Variants in CSMD1 observed in about 807,000 individuals in gnomAD.
CSMD1 encodes the protein CUB and Sushi multiple domains 1.
Under a neutral mutation model 417.5 loss-of-function variants are expected in CSMD1, and 213 were observed. The observed-to-expected ratio is 0.51, with a 90% CI of 0.46 to 0.57. The LOEUF is 0.57. CSMD1 is among the 20% of genes least tolerant of loss of function. The probability of loss-of-function intolerance (pLI) is 0.00; values close to 1 mark genes in which losing one functional copy is unlikely to be tolerated. For synonymous variants in CSMD1, 2,862 were observed against 1,736.8 expected, an observed-to-expected ratio of 1.65 and a Z score of -16.11; for missense variants, 6,923 against 4,529.7, an observed-to-expected ratio of 1.53 and a Z score of -15.17.
intron 5 of CSMD1, among the ~76,000 whole-genome samples, chr8:3,801,632 AGAAAACT>A (rs72055345): frequency 0.3 from 46,156 of 151,610 alleles, 7,568 homozygotes; most frequent in East Asian, 0.41. Flanking sequence ...TTTCTACCCA[AGAAAACT>A]GAAAACATAT....
At chr8:4,120,874 G>C (rs908703379) in intron 3 of CSMD1, among the ~76,000 whole-genome samples, 1 of 152,056 alleles carries the variant, frequency 6.6e-6, no homozygotes, top group Non-Finnish European at 1.5e-5. Flanking sequence ...AATTTTTTCT[G>C]TTTTATTGTT....
intron 51 of CSMD1, among the ~76,000 whole-genome samples, chr8:3,026,924 T>G (rs1016840192): frequency 2.0e-5 from 3 of 152,170 alleles, no homozygotes; most frequent in African/African-American, 7.2e-5. Context: ...ACTTCTGTAC[T>G]CTGATGTCAT....
intron 3 of CSMD1, among the ~76,000 whole-genome samples, chr8:4,286,346 C>T (rs901315855): frequency 1.3e-5 from 2 of 152,126 alleles, no homozygotes; most frequent in Non-Finnish European, 2.9e-5. Flanking sequence ...TTTTAAAAAA[C>T]AACGTTTTTC....
At chr8:4,505,817 T>G (rs921956580) in intron 2 of CSMD1, among the ~76,000 whole-genome samples, 1 of 152,046 alleles carries the variant, frequency 6.6e-6, no homozygotes, top group African/African-American at 2.4e-5. Flanking sequence ...TTTTTTTTTT[T>G]TTAGATAGAG....
intron 1 of CSMD1, among the ~76,000 whole-genome samples, chr8:4,872,129 C>T (rs548035659): frequency 6.6e-6 from 1 of 152,110 alleles, no homozygotes; most frequent in Non-Finnish European, 1.5e-5. Flanking sequence ...TTTATCCTCA[C>T]AACAATGTAT....
chr8:3,408,007 A>C lies in CSMD1; in HGVS notation c.1963T>G (p.Ser655Ala), dbSNP rs769490516. 6.2e-7 allele frequency: 1 copy of C among 1,613,956 alleles called. No individual in the cohort carries two copies. The highest frequency in any genetic ancestry group is 8.5e-7 in the Non-Finnish European group (1 of 1,179,872). The change falls in exon 14 of 70, where the codon TCT becomes GCT. Residue 655 changes from serine (S) to alanine (A), a missense_variant. Ser to Ala is a moderately conservative substitution (Grantham distance 99, BLOSUM62 1). Transcript: ENST00000635120. ...AGCTGGGAAGGCACTTCATTGCCAG[A>C]AAAAGTACCCAGGACAGTTATGTCA... Reference protein sequence around the residue: ...ISDITVLGTFSGNEVPSQLAS... With the variant: ...ISDITVLGTFAGNEVPSQLAS...
At chr8:3,642,703 A>G (rs954318532) in intron 7 of CSMD1, among the ~76,000 whole-genome samples, 21 of 152,206 alleles carry the variant, frequency 1.4e-4, no homozygotes, top group Non-Finnish European at 5.9e-5. Flanking sequence ...AAAGAAGTAT[A>G]TTTAACATAT....
chr8:4,078,751 T>G (rs998847422), intron 3 of CSMD1, among the ~76,000 whole-genome samples: 1 of 150,792 alleles, frequency 6.6e-6, no homozygotes. Context: ...TATTTAAATT[T>G]CAGGCCTGGC....
intron 17 of CSMD1, among the ~76,000 whole-genome samples, chr8:3,387,917 A>T (rs2116813424): frequency 6.6e-6 from 1 of 152,318 alleles, no homozygotes; most frequent in African/African-American, 2.4e-5. Flanking sequence ...TCTACATACA[A>T]CAACCTTGAA....
intron 25 of CSMD1, among the ~76,000 whole-genome samples, chr8:3,287,777 A>C (rs948036869): frequency 1.3e-5 from 2 of 151,958 alleles, no homozygotes; most frequent in African/African-American, 4.8e-5. Context: ...CTCTTTTCCT[A>C]ATTGAATACT....
intron 5 of CSMD1, among the ~76,000 whole-genome samples, chr8:3,866,647 C>A (rs905819256): frequency 6.6e-6 from 1 of 151,278 alleles, no homozygotes; most frequent in Non-Finnish European, 1.5e-5. Flanking sequence ...GAATGTGATT[C>A]AGGAAATAAT....
chr8:3,887,964 G>A (rs1034161228), intron 5 of CSMD1, among the ~76,000 whole-genome samples: 2 of 152,066 alleles, frequency 1.3e-5, no homozygotes, highest in African/African-American at 2.4e-5. Context: ...AGAAAACAGA[G>A]AAAACAAGCT....
At chr8:3,850,537 A>G (rs1362089135) in intron 5 of CSMD1, among the ~76,000 whole-genome samples, 1 of 152,216 alleles carries the variant, frequency 6.6e-6, no homozygotes, top group Non-Finnish European at 1.5e-5. Flanking sequence ...TCTATTATGG[A>G]TACAAAAATT....
chr8:3,376,936 G>A (rs1810344123), intron 18 of CSMD1, among the ~76,000 whole-genome samples: 1 of 152,194 alleles, frequency 6.6e-6, no homozygotes, highest in Non-Finnish European at 1.5e-5. Context: ...ATGGTTGGAT[G>A]AAAACTATCA....
Position 4,637,522 on chromosome 8 carries a change from C to A in CSMD1, c.122G>T (p.Gly41Val), listed in dbSNP as rs757822292. 1.8e-5 allele frequency: 29 copies of A among 1,613,618 alleles called. No homozygotes were observed. Among genetic ancestry groups the A allele is most frequent in the African/African-American group, 2.7e-5 (2 of 74,836 alleles). The change falls in exon 2 of 70, where the codon GGC (glycine) becomes GTC (valine). Residue 41 changes from glycine to valine, a missense_variant. Transcript: ENST00000635120. ...AGGAAACCCTGGGCTCTCAATAGTGCCATTGGGACCCTGGACTAAGCCTCC... is the reference window on the plus strand; with the variant it reads ...AGGAAACCCTGGGCTCTCAATAGTGACATTGGGACCCTGGACTAAGCCTCC... ...NCGGLVQGPNGTIESPGFPHG... is the reference protein window; with the variant it reads ...NCGGLVQGPNVTIESPGFPHG...
chr8:4,452,565 A>G (rs192480447), intron 2 of CSMD1, among the ~76,000 whole-genome samples: 1 of 152,340 alleles, frequency 6.6e-6, no homozygotes, highest in African/African-American at 2.4e-5. Context: ...AATCATTTTT[A>G]TCAAGAATAT....
intron 10 of CSMD1, among the ~76,000 whole-genome samples, chr8:3,523,018 CA>C (rs1797574371): frequency 2.9e-4 from 18 of 63,146 alleles, no homozygotes; most frequent in African/African-American, 6.1e-5. Flanking sequence ...CACACACCCA[CA>C]CACACACACA....
rs1299102513 is a variant in CSMD1, at chr8:4,039,508, G to C, written c.416-7409C>G. On this transcript the variant is annotated intron_variant, in intron 3 of 69. Coordinates refer to ENST00000635120, the MANE Select transcript of CSMD1 (RefSeq NM_033225.6). ...CTGAATGCGAGCCAATCTGTAAAAG[G>C]AGAAGGTGCTGACAAAGCATTTATG... 3.3e-5 allele frequency among the ~76,000 whole-genome samples: 5 copies of C among 152,254 alleles called. No individual in the cohort carries two copies. In the South Asian group the frequency reaches 6.2e-4, roughly 19 times the overall value.
chr8:4,719,082 T>G (rs887837443), intron 1 of CSMD1, among the ~76,000 whole-genome samples: 3 of 152,150 alleles, frequency 2.0e-5, no homozygotes, highest in Admixed American at 6.5e-5. Context: ...GAATTTTGTT[T>G]TAATGTGGTT....
Sources: gnomAD v4.1 joint callset for allele counts (sites outside exome capture counted in the v4.1 genomes callset) on GRCh38, gnomAD v4.1.1 for gene constraint, MANE v1.5 for transcripts, NCBI Gene and HGNC (gene_info 2026-07-23, HGNC 2026-07-21) for gene names.